Variants in MTG2 observed in about 807,000 individuals in gnomAD.
MTG2 encodes mitochondrial ribosome associated GTPase 2.
MTG2 carries 23 observed loss-of-function variants against 28.6 expected under a neutral mutation model. That is an observed-to-expected ratio of 0.80 (90% confidence interval 0.58 to 1.14). The LOEUF is 1.14. MTG2 is among the 50% of genes most tolerant of loss of function. MTG2 has a pLI of 0.00. For synonymous variants in MTG2, 260 were observed against 251.8 expected (o/e 1.03, Z -0.31); for missense variants, 539 against 552.0 (o/e 0.98, Z 0.24).
chr20:62,183,549 C>A (rs2057768215), intron 1 of MTG2, among the ~76,000 whole-genome samples: 1 of 152,246 alleles, frequency 6.6e-6, no homozygotes, highest in South Asian at 2.1e-4. Context: ...AAACGCGCCT[C>A]AGGGAGACGC....
chr20:62,193,808 A>G (rs2058007622), intron 2 of MTG2, 184 bp downstream of exon 2: 2 of 617,642 alleles, frequency 3.2e-6, no homozygotes, highest in Non-Finnish European at 5.6e-6. Flanking sequence ...TCCCACGCTC[A>G]GCAAATCCCA....
Position 62,199,121 on chromosome 20 carries a change from G to A in MTG2, c.690G>A (p.Val230=). ...ELKTVAHAGM[V]GFPNAGKSSL... ...ACCGTCTTCCCTCTTTCCCCCAGGT[G>A]GGATTCCCCAACGCCGGGAAGTCCT... is the stretch of plus-strand genomic sequence containing the variant. The change falls in exon 6 of 7, where the codon GTG becomes GTA. Residue 230 remains valine (V), a splice_region_variant and synonymous_variant. Transcript: ENST00000370823. 6.2e-7 allele frequency: 1 copy of A among 1,614,008 alleles called. No individual in the cohort carries two copies. The highest frequency in any genetic ancestry group is 1.1e-5 in the South Asian group (1 of 91,080).
intron 3 of MTG2, chr20:62,197,592 A>G: frequency 2.6e-6 from 1 of 390,734 alleles, no homozygotes; most frequent in Non-Finnish European, 4.8e-6. Flanking sequence ...CTGGGAGTGA[A>G]GCCTTCACAA....
chr20:62,201,102 G>C lies in MTG2; in HGVS notation c.*25G>C. On this transcript the variant is annotated 3_prime_UTR_variant, in exon 7 of 7. Coordinates refer to ENST00000370823, the MANE Select transcript of MTG2 (RefSeq NM_015666.4). ...GCCACGCCAGAGCGGGGTCGCCTCTGGGCCTCTGTCTGAGCAAACCTGGGT... is the reference window on the plus strand; with the variant it reads ...GCCACGCCAGAGCGGGGTCGCCTCTCGGCCTCTGTCTGAGCAAACCTGGGT... The C allele has an allele frequency of 6.4e-7, 1 of 1,557,464 alleles. No homozygotes were observed. Among genetic ancestry groups the C allele is most frequent in the South Asian group, 1.2e-5 (1 of 84,912 alleles).
intron 3 of MTG2, among the ~76,000 whole-genome samples, chr20:62,196,893 G>T (rs777765356): frequency 1.3e-5 from 2 of 151,742 alleles, no homozygotes; most frequent in Non-Finnish European, 2.9e-5. Context: ...TTAGCTGGGC[G>T]TGGTGGTGGG....
intron 3 of MTG2, 129 bp downstream of exon 3, chr20:62,196,078 T>C: frequency 1.7e-6 from 2 of 1,149,408 alleles, no homozygotes; most frequent in East Asian, 2.6e-5. Context: ...TTGGAGAGGC[T>C]GAGGCAGGAG....
intron 1 of MTG2, among the ~76,000 whole-genome samples, chr20:62,192,960 G>A (rs560615270): frequency 6.6e-5 from 10 of 152,178 alleles, no homozygotes; most frequent in Non-Finnish European, 1.3e-4. Flanking sequence ...CCAGAGCCTG[G>A]GTGCTTAGCC....
In MTG2 at chr20:62,197,964, C is replaced by G. The variant is rs112103829; in HGVS notation, c.465C>G (p.Ile155Met). Reference sequence around the variant, plus strand: ...GGCGCAGTGGCGCCGTCCTCTACATCCGGGTGAGCCGAGACTGCCGGACCT... The same window carrying G: ...GGCGCAGTGGCGCCGTCCTCTACATGCGGGTGAGCCGAGACTGCCGGACCT... ...CFGRSGAVLY[I>M]RVPVGTLVKE... Residue 155 changes from isoleucine (I) to methionine (M), a missense_variant, in exon 4 of 7, where the codon ATC becomes ATG. Ile to Met is a conservative substitution (Grantham distance 10). Transcript: ENST00000370823. The G allele has an allele frequency of 6.2e-7, 1 of 1,613,220 alleles. No individual in the cohort carries two copies. Among genetic ancestry groups the G allele is most frequent in the Non-Finnish European group, 8.5e-7 (1 of 1,179,292 alleles).
chr20:62,201,354 G>T lies in MTG2; in HGVS notation c.*277G>T. ...ATTAACACCCCTAATAAGGGGTTGG[G>T]GTGCCCATAACGGGGTGGCCCTGCC... On this transcript the variant is annotated 3_prime_UTR_variant, in exon 7 of 7. Transcript: ENST00000370823. 2.1e-6 allele frequency: 1 copy of T among 474,516 alleles called. No homozygotes were observed. Among genetic ancestry groups the T allele is most frequent in the Non-Finnish European group, 3.8e-6 (1 of 265,796 alleles). The allele number at this position is 474,516 out of a possible 1,614,324, so 29.4% of individuals were successfully genotyped here. A position where few individuals can be genotyped will look rare whatever the true frequency, so the allele number is the denominator to read the frequency against.
chr20:62,191,224 C>T (rs1261903374), intron 1 of MTG2, among the ~76,000 whole-genome samples: 1 of 152,100 alleles, frequency 6.6e-6, no homozygotes, highest in Non-Finnish European at 1.5e-5. Context: ...ACCTTCCAGC[C>T]CAAGGAGCTG....
chr20:62,191,644 C>T (rs1460077010), intron 1 of MTG2, among the ~76,000 whole-genome samples: 2 of 152,190 alleles, frequency 1.3e-5, no homozygotes, highest in African/African-American at 4.8e-5. Context: ...GGTGTCCCCT[C>T]GTTGTGCTCC....
chr20:62,200,650 T>G, intron 6 of MTG2, 33 bp from the exon 7 acceptor site: 1 of 1,555,352 alleles, frequency 6.4e-7, no homozygotes, highest in Non-Finnish European at 8.7e-7. Context: ...GTGTGCCAAG[T>G]GGTCACCTCG....
chr20:62,187,690 G>A (rs929555307), intron 1 of MTG2, among the ~76,000 whole-genome samples: 2 of 152,178 alleles, frequency 1.3e-5, no homozygotes, highest in African/African-American at 4.8e-5. Context: ...ATAACCCGTT[G>A]AACATTCCTG....
intron 6 of MTG2, among the ~76,000 whole-genome samples, chr20:62,199,734 A>G (rs1482541553): frequency 8.4e-6 from 1 of 119,504 alleles, no homozygotes; most frequent in Non-Finnish European, 1.6e-5. Context: ...TCACTCTGTC[A>G]CCCTGGCTGG....
At chr20:62,183,732 T>C (rs1302843076) in intron 1 of MTG2, among the ~76,000 whole-genome samples, 7 of 152,218 alleles carry the variant, frequency 4.6e-5, no homozygotes, top group Admixed American at 4.6e-4. Flanking sequence ...AATACCTTTC[T>C]TTTGTAAAGG....
At chr20:62,184,650 C>G (rs1433240946) in intron 1 of MTG2, among the ~76,000 whole-genome samples, 4 of 152,178 alleles carry the variant, frequency 2.6e-5, no homozygotes, top group African/African-American at 4.8e-5. Flanking sequence ...TGCCTCCAGT[C>G]TCTGGTAGAG....
chr20:62,186,986 A>G lies in MTG2; in HGVS notation c.-6+3929A>G, dbSNP rs76015897. 6.0e-3 allele frequency among the ~76,000 whole-genome samples: 911 copies of G among 152,238 alleles called. 11 individuals carry two copies. The highest frequency in any genetic ancestry group is 0.021 in the African/African-American group (859 of 41,540). On this transcript the variant is annotated intron_variant, in intron 1 of 6. Transcript: ENST00000370823. ...TTTTTCTCCATCTTGGGAGGTAACCATTCAGTATTTCTTCATTAAATGTGA... is the reference window on the plus strand; with the variant it reads ...TTTTTCTCCATCTTGGGAGGTAACCGTTCAGTATTTCTTCATTAAATGTGA...
rs757292025 is a variant in MTG2, at chr20:62,198,755, C to G, written c.590C>G (p.Ala197Gly). The G allele has an allele frequency of 1.2e-6, 2 of 1,614,014 alleles. No homozygotes were observed. Among genetic ancestry groups the G allele is most frequent in the East Asian group, 2.2e-5 (1 of 44,902 alleles). The part of the protein sequence containing the change: ...AGGKGNRFFL[A>G]NNNRAPVTCT... ...GGGAAAGGCAACCGCTTCTTCCTGGCCAACAACAACCGTGCCCCTGTGACC... is the reference window on the plus strand; with the variant it reads ...GGGAAAGGCAACCGCTTCTTCCTGGGCAACAACAACCGTGCCCCTGTGACC... The change falls in exon 5 of 7, where the codon GCC becomes GGC. Residue 197 changes from alanine to glycine, a missense_variant. By Grantham distance (60) the Ala-to-Gly change is moderately conservative. Coordinates refer to ENST00000370823, the MANE Select transcript of MTG2 (RefSeq NM_015666.4).
At chr20:62,190,925 TCAGC>T (rs1255248508) in intron 1 of MTG2, among the ~76,000 whole-genome samples, 1 of 152,176 alleles carries the variant, frequency 6.6e-6, no homozygotes, top group East Asian at 1.9e-4. Context: ...GCACGGGAAC[TCAGC>T]CAGTCGGAGA....
Sources: gnomAD v4.1 joint callset for allele counts (sites outside exome capture counted in the v4.1 genomes callset) on GRCh38, gnomAD v4.1.1 for gene constraint, MANE v1.5 for transcripts, NCBI Gene and HGNC (gene_info 2026-07-23, HGNC 2026-07-21) for gene names.